Variants in SLIT3 observed in about 807,000 individuals in gnomAD.
SLIT3 encodes the protein slit homolog 3 protein.
A neutral mutation model predicts 184.0 loss-of-function variants in SLIT3; 68 were observed. The ratio of observed to expected loss-of-function variants is 0.37; its 90% CI spans 0.30 to 0.45. The LOEUF (loss-of-function observed/expected upper bound fraction) is 0.45, where lower values mean the gene tolerates loss of function less well. SLIT3 is among the 20% of genes least tolerant of loss of function. The probability of loss-of-function intolerance (pLI) is 1.00; values close to 1 mark genes in which losing one functional copy is unlikely to be tolerated. For synonymous variants in SLIT3, 831 were observed against 828.6 expected (o/e 1.00, Z -0.05); for missense variants, 1,707 against 2,026.0 (o/e 0.84, Z 3.02).
chr5:168,749,082 AG>A (rs1161079040), intron 19 of SLIT3, among the ~76,000 whole-genome samples: 1 of 152,196 alleles, frequency 6.6e-6, no homozygotes, highest in African/African-American at 2.4e-5. Flanking sequence ...ACAGTTGTAT[AG>A]GTTGTGCACT....
chr5:169,020,682 ATCT>A (rs1756564805), intron 4 of SLIT3, among the ~76,000 whole-genome samples: 1 of 152,226 alleles, frequency 6.6e-6, no homozygotes, highest in Non-Finnish European at 1.5e-5. Flanking sequence ...AAGGAATGAA[ATCT>A]TCTCATTCAG....
intron 4 of SLIT3, among the ~76,000 whole-genome samples, chr5:168,969,517 G>A (rs1754489053): frequency 6.6e-6 from 1 of 152,154 alleles, no homozygotes; most frequent in African/African-American, 2.4e-5. Context: ...CTCCTGTTGA[G>A]GGAAAGAGCA....
intron 4 of SLIT3, among the ~76,000 whole-genome samples, chr5:168,928,370 G>C (rs1581218862): frequency 6.6e-6 from 1 of 152,130 alleles, no homozygotes; most frequent in Admixed American, 6.5e-5. Flanking sequence ...CTTCTGTATA[G>C]CACTAAAATT....
In SLIT3 at chr5:168,936,947, C is replaced by G. The variant is rs2113189376; in HGVS notation, c.414-53611G>C. ...TGTACTTAGAGATTAAACAACTATA[C>G]AAATAGCTTGTTAACTATAGCTGGG... is the stretch of plus-strand genomic sequence containing the variant. On this transcript the variant is annotated intron_variant, in intron 4 of 35. Coordinates refer to ENST00000519560, the MANE Select transcript of SLIT3 (RefSeq NM_003062.4). 1.3e-5 allele frequency among the ~76,000 whole-genome samples: 2 copies of G among 152,282 alleles called. 1 individual carries two copies. The highest frequency in any genetic ancestry group is 4.8e-5 in the African/African-American group (2 of 41,558).
intron 1 of SLIT3, among the ~76,000 whole-genome samples, chr5:169,273,702 TGA>T (rs1475715572): frequency 2.6e-5 from 4 of 152,172 alleles, no homozygotes; most frequent in Non-Finnish European, 4.4e-5. Context: ...GCTTTGAGGC[TGA>T]GTTTACAAGC....
At chr5:169,055,111 C>G (rs1757949413) in intron 4 of SLIT3, among the ~76,000 whole-genome samples, 1 of 152,028 alleles carries the variant, frequency 6.6e-6, no homozygotes, top group African/African-American at 2.4e-5. Context: ...TGTTGCTCAA[C>G]TGGTAAAGGA....
intron 5 of SLIT3, 52 bp from the exon 6 acceptor site, chr5:168,844,707 G>A (rs763575923): frequency 1.3e-6 from 2 of 1,576,438 alleles, no homozygotes; most frequent in Non-Finnish European, 1.7e-6. Context: ...AGCGTGAGGG[G>A]CCGGCGGCCC....
intron 6 of SLIT3, among the ~76,000 whole-genome samples, chr5:168,824,910 C>T (rs894000941): frequency 3.9e-5 from 6 of 152,310 alleles, no homozygotes; most frequent in Admixed American, 2.0e-4. Flanking sequence ...CATTATCTTC[C>T]GCTTCAAATG....
At chr5:168,887,940 A>G (rs1020128928) in intron 4 of SLIT3, among the ~76,000 whole-genome samples, 1 of 152,130 alleles carries the variant, frequency 6.6e-6, no homozygotes, top group African/African-American at 2.4e-5. Context: ...CTTTCCATAA[A>G]ATCTGAGGGA....
intron 4 of SLIT3, among the ~76,000 whole-genome samples, chr5:169,098,875 C>T (rs191383762): frequency 3.3e-5 from 5 of 152,296 alleles, no homozygotes; most frequent in African/African-American, 9.6e-5. Flanking sequence ...CTACTGATTA[C>T]ATCTCCAGCA....
chr5:169,126,877 C>T (rs1019394907), intron 4 of SLIT3, among the ~76,000 whole-genome samples: 1 of 149,914 alleles, frequency 6.7e-6, no homozygotes, highest in African/African-American at 2.4e-5. Context: ...TCCCACTTAA[C>T]CAAATGACCC....
At chr5:168,826,141 G>A (rs1227026892) in intron 6 of SLIT3, among the ~76,000 whole-genome samples, 2 of 152,242 alleles carry the variant, frequency 1.3e-5, no homozygotes, top group Non-Finnish European at 2.9e-5. Flanking sequence ...TCCGGCAGTA[G>A]TCCAGCAGCG....
At chr5:168,745,121 C>T (rs1201763464) in intron 20 of SLIT3, among the ~76,000 whole-genome samples, 1 of 152,132 alleles carries the variant, frequency 6.6e-6, no homozygotes, top group South Asian at 2.1e-4. Flanking sequence ...ATATGGATGA[C>T]CTTGAGGGGT....
At chr5:168,980,065 C>A (rs1754898221) in intron 4 of SLIT3, among the ~76,000 whole-genome samples, 1 of 152,128 alleles carries the variant, frequency 6.6e-6, no homozygotes, top group Non-Finnish European at 1.5e-5. Context: ...AAACACACAA[C>A]TCCGAGGCCC....
intron 21 of SLIT3, among the ~76,000 whole-genome samples, chr5:168,723,716 G>A (rs563141385): frequency 2.0e-5 from 3 of 152,282 alleles, no homozygotes; most frequent in South Asian, 2.1e-4. Flanking sequence ...GCTTCCCTGC[G>A]GGGATAAACA....
At chr5:168,712,437 T>A (rs1762587512) in intron 23 of SLIT3, 83 bp from the exon 24 acceptor site, 1 of 1,236,372 alleles carries the variant, frequency 8.1e-7, no homozygotes, top group African/African-American at 1.5e-5. Flanking sequence ...TGCCTGGCCC[T>A]GCCACCCTTC....
intron 4 of SLIT3, among the ~76,000 whole-genome samples, chr5:169,032,993 C>T (rs1757093665): frequency 7.0e-6 from 1 of 142,010 alleles, no homozygotes; most frequent in South Asian, 2.3e-4. Context: ...GCATGAATCC[C>T]AAATATAGCA....
intron 5 of SLIT3, among the ~76,000 whole-genome samples, chr5:168,846,343 A>G (rs560201050): frequency 1.3e-5 from 2 of 152,224 alleles, no homozygotes; most frequent in South Asian, 4.2e-4. Context: ...ACGGAGTCTC[A>G]CCACATCTTC....
chr5:168,670,558 G>T (rs531004495), intron 34 of SLIT3, among the ~76,000 whole-genome samples: 2 of 152,156 alleles, frequency 1.3e-5, no homozygotes, highest in Admixed American at 6.5e-5. Flanking sequence ...GCCAGGATCC[G>T]TATTATAGAG....
Sources: allele counts gnomAD v4.1 joint callset (sites outside exome capture counted in the v4.1 genomes callset), GRCh38; gene constraint gnomAD v4.1.1; transcripts MANE v1.5; gene names NCBI Gene and HGNC (gene_info 2026-07-23, HGNC 2026-07-21).